Variants in FGGY observed in about 807,000 individuals in gnomAD.
FGGY encodes the protein FGGY carbohydrate kinase domain-containing protein.
FGGY carries 72 observed loss-of-function variants against 71.3 expected under a neutral mutation model. The ratio of observed to expected loss-of-function variants is 1.01; its 90% CI spans 0.84 to 1.23. FGGY has a LOEUF of 1.23. Among genes scored for constraint, FGGY ranks in the 50% most tolerant of loss-of-function variants. The pLI, the probability that FGGY is intolerant of heterozygous loss-of-function variation, is 0.00. For synonymous variants in FGGY, 251 were observed against 250.3 expected, an observed-to-expected ratio of 1.00 and a Z score of -0.02; for missense variants, 668 against 682.3, an observed-to-expected ratio of 0.98 and a Z score of 0.23.
At chr1:59,371,265 T>C (rs1291898313) in intron 4 of FGGY, among the ~76,000 whole-genome samples, 1 of 151,948 alleles carries the variant, frequency 6.6e-6, no homozygotes, top group East Asian at 1.9e-4. Context: ...TCCTAGTCTC[T>C]GATAAAACAG....
chr1:59,689,016 C>T (rs2097568160), intron 14 of FGGY, among the ~76,000 whole-genome samples: 1 of 152,158 alleles, frequency 6.6e-6, no homozygotes, highest in Non-Finnish European at 1.5e-5. Context: ...TCCCAAAGTG[C>T]TGGGATGATA....
In FGGY at chr1:59,747,016, T is replaced by A. The variant is rs966899438; in HGVS notation, c.1513-10915T>A. Among the ~76,000 whole-genome samples the A allele has an allele frequency of 1.4e-4, 22 of 152,334 alleles. 1 individual carries two copies. In the East Asian group the frequency reaches 4.0e-3, roughly 28 times the overall value. ...GGCCATAGTAAGTACTCAACAAATA[T>A]CAGTTGCCATTATAATTATTGTTAT... On this transcript the variant is annotated intron_variant, in intron 14 of 15. Transcript: ENST00000303721.
chr1:59,345,806 T>A lies in FGGY; in HGVS notation c.314-441T>A, dbSNP rs1017851930. Among the ~76,000 whole-genome samples, 11 of 152,204 alleles carry A rather than the reference T, an allele frequency of 7.2e-5. No individual in the cohort carries two copies. In the South Asian group the frequency reaches 8.3e-4, roughly 11 times the overall value. On this transcript the variant is annotated intron_variant, in intron 3 of 15. Transcript: ENST00000303721. ...GCAGTTAAATGCCATTGTTTAGCTA[T>A]TAGATGTATTATACCGTCAAAGTAT...
intron 14 of FGGY, among the ~76,000 whole-genome samples, chr1:59,734,925 T>A (rs766597989): frequency 6.6e-6 from 1 of 152,240 alleles, no homozygotes; most frequent in Admixed American, 6.5e-5. Flanking sequence ...TGTGACAGAT[T>A]ATTTTGTAAT....
At chr1:59,392,887 T>C (rs1372687444) in intron 5 of FGGY, among the ~76,000 whole-genome samples, 2 of 152,174 alleles carry the variant, frequency 1.3e-5, no homozygotes, top group Non-Finnish European at 2.9e-5. Context: ...ATACAAAAAA[T>C]TGTCAACCTG....
chr1:59,732,684 G>A (rs2098049350), intron 14 of FGGY, among the ~76,000 whole-genome samples: 1 of 152,080 alleles, frequency 6.6e-6, no homozygotes, highest in African/African-American at 2.4e-5. Flanking sequence ...GGGAAGGAAG[G>A]TATTCAGGAG....
At chr1:59,647,039 A>AT (rs1190912968) in intron 11 of FGGY, among the ~76,000 whole-genome samples, 10 of 152,278 alleles carry the variant, frequency 6.6e-5, no homozygotes, top group Admixed American at 5.9e-4. Context: ...AAACCAGGGA[A>AT]TGGACTATGG....
At chr1:59,688,408 A>G (rs1020086945) in intron 14 of FGGY, among the ~76,000 whole-genome samples, 17 of 152,220 alleles carry the variant, frequency 1.1e-4, no homozygotes, top group Admixed American at 7.9e-4. Context: ...TCTGTTCCTC[A>G]AAGTTTTCTA....
At position 59,310,860 on chromosome 1, in the gene FGGY, GT is replaced by G. The variant is rs150924053; in HGVS notation, c.-14-10670del. Among the ~76,000 whole-genome samples the G allele has an allele frequency of 5.3e-5, 8 of 152,282 alleles. No individual in the cohort carries two copies. In the East Asian group the frequency reaches 1.5e-3, roughly 29 times the overall value. ...TGCTAGAACTCTGCAGAGGAAGAAA[GT>G]TTTTTAGGGTCTTTTTATTTTAAGA... On this transcript the variant is annotated intron_variant, in intron 1 of 15. Coordinates refer to ENST00000303721, the MANE Select transcript of FGGY (RefSeq NM_018291.5).
At chr1:59,572,400 A>C (rs2096001942) in intron 8 of FGGY, among the ~76,000 whole-genome samples, 1 of 152,190 alleles carries the variant, frequency 6.6e-6, no homozygotes, top group Admixed American at 6.5e-5. Flanking sequence ...GCTACAAGTA[A>C]AGGCTGGAGA....
chr1:59,549,068 G>A (rs189299017), intron 7 of FGGY, among the ~76,000 whole-genome samples: 13 of 152,300 alleles, frequency 8.5e-5, no homozygotes, highest in Non-Finnish European at 1.2e-4. Context: ...ATGGACTTCA[G>A]TGTCTGCGTG....
chr1:59,713,450 T>C (rs781061325), intron 14 of FGGY, among the ~76,000 whole-genome samples: 2 of 152,162 alleles, frequency 1.3e-5, no homozygotes. Context: ...TGGTCCCCAC[T>C]GCAGGTCCTT....
rs1434352889 is a variant in FGGY, at chr1:59,753,188, G to A, written c.1513-4743G>A. The stretch of plus-strand genomic sequence containing the variant: ...CCTTTGGAACAGAAATATATTGTGG[G>A]GGTGACTATATTTAGCATGTGTCAG... On this transcript the variant is annotated intron_variant, in intron 14 of 15. Transcript: ENST00000303721. Among the ~76,000 whole-genome samples, 3 of 152,012 alleles carry A rather than the reference G, an allele frequency of 2.0e-5. No homozygotes were observed. In the East Asian group the frequency reaches 5.8e-4, roughly 29 times the overall value.
chr1:59,675,051 C>T (rs2097422851), intron 14 of FGGY, among the ~76,000 whole-genome samples: 1 of 152,064 alleles, frequency 6.6e-6, no homozygotes, highest in African/African-American at 2.4e-5. Context: ...CTCTATTATC[C>T]CCATTTTATA....
In FGGY at chr1:59,689,559, T is replaced by TAA. The variant is rs77426995; in HGVS notation, c.1512+15436_1512+15437dup. Among the ~76,000 whole-genome samples, 13 of 145,754 alleles carry TAA rather than the reference T, an allele frequency of 8.9e-5. No homozygotes were observed. The East Asian group carries it at 2.4e-3, about 27-fold the overall frequency. On this transcript the variant is annotated intron_variant, in intron 14 of 15. Coordinates refer to ENST00000303721, the MANE Select transcript of FGGY (RefSeq NM_018291.5). ...ATGTTGCAAGCTGATAGTCTCACTT[T>TAA]AAAAAAAAAAACGTTAAGTCCTTCT...
chr1:59,360,189 G>A (rs1487346578), intron 4 of FGGY, among the ~76,000 whole-genome samples: 5 of 147,768 alleles, frequency 3.4e-5, no homozygotes, highest in Admixed American at 1.4e-4. Flanking sequence ...ATTGGTCCTG[G>A]ACTATCACCA....
intron 7 of FGGY, among the ~76,000 whole-genome samples, chr1:59,518,346 A>G (rs944418869): frequency 6.6e-6 from 1 of 152,228 alleles, no homozygotes; most frequent in Non-Finnish European, 1.5e-5. Flanking sequence ...GCGACTTTAG[A>G]TAATGTGATT....
At chr1:59,725,203 G>T (rs932746038) in intron 14 of FGGY, among the ~76,000 whole-genome samples, 1 of 152,154 alleles carries the variant, frequency 6.6e-6, no homozygotes, top group Non-Finnish European at 1.5e-5. Context: ...AACATGACTT[G>T]TTGAAAATAT....
intron 14 of FGGY, among the ~76,000 whole-genome samples, chr1:59,675,326 T>C (rs1194472604): frequency 6.6e-6 from 1 of 152,180 alleles, no homozygotes; most frequent in African/African-American, 2.4e-5. Context: ...TTTTGTATAA[T>C]CTTCCTAATA....
Sources: allele counts gnomAD v4.1 joint callset (sites outside exome capture counted in the v4.1 genomes callset), GRCh38; gene constraint gnomAD v4.1.1; transcripts MANE v1.5; gene names NCBI Gene and HGNC (gene_info 2026-07-23, HGNC 2026-07-21).